Variants in RFX6 observed in about 807,000 individuals in gnomAD.
RFX6 encodes the protein regulatory factor X6, also known as DNA-binding protein RFX6.
In RFX6, 50 loss-of-function variants were observed where a neutral mutation model predicts 110.8. The observed-to-expected ratio is 0.45, with a 90% CI of 0.36 to 0.57. The LOEUF (loss-of-function observed/expected upper bound fraction) is 0.57, where lower values mean the gene tolerates loss of function less well. RFX6 is among the 20% of genes least tolerant of loss of function. The probability of loss-of-function intolerance (pLI) is 0.00; values close to 1 mark genes in which losing one functional copy is unlikely to be tolerated. For synonymous variants in RFX6, 383 were observed against 411.2 expected (o/e 0.93, Z 0.83); for missense variants, 990 against 1,127.0 (o/e 0.88, Z 1.74).
chr6:116,877,849 C>A lies in RFX6; in HGVS notation c.277C>A (p.His93Asn). 1 of 1,614,058 alleles carries A rather than the reference C, an allele frequency of 6.2e-7. No homozygotes were observed. The change falls in exon 2 of 19, where the codon CAC becomes AAC. Residue 93 changes from histidine to asparagine, a missense_variant. His to Asn is a moderately conservative substitution (Grantham distance 68). This residue lies in a region of RFX6 where 175 missense variants were observed against 162.3 expected (regional missense o/e 1.08). Coordinates refer to ENST00000332958, the MANE Select transcript of RFX6 (RefSeq NM_173560.4). ...CTCTGAAGAAGAGGACGCCGACAAC[C>A]ACGACAGCAAAACCAAAGCAGCGGA... is the stretch of plus-strand genomic sequence containing the variant. ...FSSEEEDADN[H>N]DSKTKAADQY...
intron 2 of RFX6, among the ~76,000 whole-genome samples, chr6:116,878,660 G>C (rs638473): frequency 1.3e-5 from 2 of 151,712 alleles, no homozygotes; most frequent in Non-Finnish European, 2.9e-5. Flanking sequence ...ACTTTCCTAC[G>C]TAGTGGGAAG....
intron 16 of RFX6, among the ~76,000 whole-genome samples, chr6:116,926,285 A>G (rs1775730725): frequency 6.6e-6 from 1 of 152,186 alleles, no homozygotes; most frequent in African/African-American, 2.4e-5. Context: ...GAAGCTCCAT[A>G]TCAAAAAAGC....
chr6:116,921,818 GTCTC>G (rs991199712), intron 12 of RFX6, among the ~76,000 whole-genome samples: 2 of 151,344 alleles, frequency 1.3e-5, no homozygotes, highest in Non-Finnish European at 2.9e-5. Flanking sequence ...GCAAGATCCT[GTCTC>G]TCTCTCTCTC....
At chr6:116,908,857 T>C (rs1775271535) in intron 6 of RFX6, among the ~76,000 whole-genome samples, 1 of 152,150 alleles carries the variant, frequency 6.6e-6, no homozygotes, top group African/African-American at 2.4e-5. Flanking sequence ...CTGAGTATGA[T>C]TGTACTTATA....
At chr6:116,909,735 CTTTTTTTTTT>C (rs59264999) in intron 6 of RFX6, among the ~76,000 whole-genome samples, 15 of 67,378 alleles carry the variant, frequency 2.2e-4, no homozygotes, top group Admixed American at 2.1e-3. Context: ...TCATTTAAAT[CTTTTTTTTTT>C]TTTTTTTTTT....
chr6:116,916,506 T>A (rs1775469570), intron 9 of RFX6, among the ~76,000 whole-genome samples, 192 bp downstream of exon 9: 1 of 152,144 alleles, frequency 6.6e-6, no homozygotes, highest in Non-Finnish European at 1.5e-5. Context: ...GAAGTTTACA[T>A]TAAGTAAAAC....
chr6:116,923,151 C>A lies in RFX6; in HGVS notation c.1482C>A (p.Asp494Glu). 3 of 1,609,964 alleles carry A rather than the reference C, an allele frequency of 1.9e-6. No individual in the cohort carries two copies. The highest frequency in any genetic ancestry group is 2.6e-6 in the Non-Finnish European group (3 of 1,176,318). ...GGTCATTAAAGAAGAGAGCTCAAGA[C>A]TTTCTGTTAAAGTGGAGTTTTTTTG... is the stretch of plus-strand genomic sequence containing the variant. ...NGRSLKKRAQ[D>E]FLLKWSFFGA... Residue 494 changes from aspartate (D) to glutamate (E), a missense_variant, in exon 14 of 19, where the codon GAC (aspartate) becomes GAA (glutamate). Asp to Glu is a conservative substitution (Grantham distance 45). This residue lies in a region of RFX6 where 89 missense variants were observed against 140.3 expected (regional missense o/e 0.63). Transcript: ENST00000332958.
intron 16 of RFX6, 56 bp from the exon 17 acceptor site, chr6:116,926,971 G>A: frequency 7.0e-7 from 1 of 1,435,734 alleles, no homozygotes; most frequent in Non-Finnish European, 9.8e-7. Flanking sequence ...TTTTAAAGAT[G>A]TGAGCTCATC....
chr6:116,910,183 G>A (rs185313241), intron 6 of RFX6, among the ~76,000 whole-genome samples: 164 of 152,014 alleles, frequency 1.1e-3, no homozygotes, highest in Non-Finnish European at 1.9e-3. Flanking sequence ...TTAAAATTTT[G>A]TTTGGGGAGG....
rs1743007795 is a variant in RFX6, at chr6:116,918,070, C to G, written c.1006C>G (p.Gln336Glu). ...LTDVLIPATM[Q>E]EMPESLLADI... ...AGATGTACTCATTCCTGCAACAATGCAAGAAATGCCTGAAAGGTATGTTCA... is the reference window on the plus strand; with the variant it reads ...AGATGTACTCATTCCTGCAACAATGGAAGAAATGCCTGAAAGGTATGTTCA... The change falls in exon 10 of 19, where the codon CAA becomes GAA. Residue 336 changes from glutamine to glutamate, a missense_variant. Physicochemically the swap from Gln to Glu is conservative, Grantham distance 29. Around this residue, in one of 5 missense-constraint regions of RFX6, gnomAD observed 243 missense variants for 353.1 expected, o/e 0.69. Transcript: ENST00000332958. The G allele has an allele frequency of 6.2e-7, 1 of 1,607,402 alleles. No individual in the cohort carries two copies. Among genetic ancestry groups the G allele is most frequent in the Admixed American group, 1.7e-5 (1 of 59,932 alleles).
At chr6:116,909,074 T>C (rs1179615397) in intron 6 of RFX6, among the ~76,000 whole-genome samples, 4 of 152,190 alleles carry the variant, frequency 2.6e-5, no homozygotes, top group Admixed American at 6.5e-5. Context: ...AAAGGTCACC[T>C]GTTAAAATCT....
At chr6:116,911,522 A>G (rs535196587) in intron 7 of RFX6, among the ~76,000 whole-genome samples, 1 of 152,126 alleles carries the variant, frequency 6.6e-6, no homozygotes, top group African/African-American at 2.4e-5. Flanking sequence ...GTGTTCTCTT[A>G]TATTTGCATT....
Position 116,899,548 on chromosome 6 carries a change from A to G in RFX6, c.672+4341A>G, listed in dbSNP as rs146940724. On this transcript the variant is annotated intron_variant, in intron 6 of 18. Coordinates refer to ENST00000332958, the MANE Select transcript of RFX6 (RefSeq NM_173560.4). ...GGTTTTAGTGTATGACCAAACAGAA[A>G]TTACAACAAATGAAGGAAGAAAATA... Among the ~76,000 whole-genome samples the G allele has an allele frequency of 1.1e-3, 175 of 152,252 alleles. 1 individual carries two copies. The highest frequency in any genetic ancestry group is 4.0e-3 in the African/African-American group (168 of 41,558).
intron 18 of RFX6, among the ~76,000 whole-genome samples, chr6:116,930,327 A>G (rs1775856106): frequency 6.6e-6 from 1 of 151,764 alleles, no homozygotes; most frequent in Non-Finnish European, 1.5e-5. Context: ...GCAACCATAT[A>G]TGAGAGAAAT....
At chr6:116,898,121 G>A (rs1489015589) in intron 6 of RFX6, among the ~76,000 whole-genome samples, 1 of 152,132 alleles carries the variant, frequency 6.6e-6, no homozygotes, top group African/African-American at 2.4e-5. Context: ...CCTACAGAAG[G>A]GAATGCTCAG....
chr6:116,885,717 T>C (rs1453563281), intron 4 of RFX6, among the ~76,000 whole-genome samples: 1 of 149,738 alleles, frequency 6.7e-6, no homozygotes, highest in Non-Finnish European at 1.5e-5. Context: ...TAAGTTTTAT[T>C]AAGTTTTTTT....
intron 4 of RFX6, among the ~76,000 whole-genome samples, chr6:116,883,029 C>A (rs79979551): frequency 6.6e-6 from 1 of 152,260 alleles, no homozygotes; most frequent in African/African-American, 2.4e-5. Flanking sequence ...CAGCTATTTT[C>A]TATGCGTACT....
At chr6:116,878,053 T>G in intron 2 of RFX6, 101 bp downstream of exon 2, 1 of 1,288,194 alleles carries the variant, frequency 7.8e-7, no homozygotes, top group Non-Finnish European at 1.1e-6. Context: ...TCCTCAAACT[T>G]TTTGGGAAAG....
chr6:116,888,027 T>C (rs1020911484), intron 4 of RFX6, among the ~76,000 whole-genome samples: 1 of 152,210 alleles, frequency 6.6e-6, no homozygotes, highest in Non-Finnish European at 1.5e-5. Flanking sequence ...TCTTATTTAT[T>C]AGTAGTGATT....
Sources: gnomAD v4.1 joint callset for allele counts (sites outside exome capture counted in the v4.1 genomes callset) on GRCh38, gnomAD v4.1.1 for gene constraint, gnomAD v4.1.1 regional missense constraint, MANE v1.5 for transcripts, NCBI Gene and HGNC (gene_info 2026-07-23, HGNC 2026-07-21) for gene names.